The following ZNF696 variants were observed in gnomAD, a reference collection of about 807,000 sequenced individuals.
ZNF696 encodes zinc finger protein 696.
In ZNF696, 10 loss-of-function variants were observed where a neutral mutation model predicts 12.3. The observed-to-expected ratio is 0.81, with a 90% CI of 0.50 to 1.38. ZNF696 has a LOEUF of 1.38. Among genes scored for constraint, ZNF696 ranks in the 40% most tolerant of loss-of-function variants. ZNF696 has a pLI of 0.00. For missense variants in ZNF696, 675 were observed against 554.7 expected, an observed-to-expected ratio of 1.22 and a Z score of -2.18; for synonymous variants, 304 against 243.9, an observed-to-expected ratio of 1.25 and a Z score of -2.29.
chr8:143,296,442 G>C lies in ZNF696; in HGVS notation c.767G>C (p.Arg256Pro). ...CACAGCTCGAACGTGGTCCGGCACC[G>C]GCGGACCCACCACGGGGAGAACCCG... ...FLHSSNVVRH[R>P]RTHHGENPYE... Residue 256 changes from arginine (R) to proline (P), a missense_variant, in exon 3 of 3, where the codon CGG becomes CCG. By Grantham distance (103) the Arg-to-Pro change is moderately radical. Coordinates refer to ENST00000330143, the MANE Select transcript of ZNF696 (RefSeq NM_030895.3). 6.2e-7 allele frequency: 1 copy of C among 1,603,596 alleles called. No homozygotes were observed. The highest frequency in any genetic ancestry group is 8.5e-7 in the Non-Finnish European group (1 of 1,177,706).
chr8:143,291,449 G>A lies in ZNF696; in HGVS notation c.-349G>A. The A allele has an allele frequency of 1.0e-6, 1 of 985,550 alleles. No homozygotes were observed. The highest frequency in any genetic ancestry group is 1.2e-6 in the Non-Finnish European group (1 of 829,984). The allele number at this position is 985,550 out of a possible 1,614,324, so 61.1% of individuals were successfully genotyped here. On this transcript the variant is annotated 5_prime_UTR_variant, in exon 1 of 3. Coordinates refer to ENST00000330143, the MANE Select transcript of ZNF696 (RefSeq NM_030895.3). ...GTGCAGTCCAGCTGCTCTGGACGCT[G>A]AGGCCCCGGCTTCTCTTGCTGGGGT...
intron 1 of ZNF696, among the ~76,000 whole-genome samples, 181 bp from the exon 2 acceptor site, chr8:143,292,791 T>A (rs1032005795): frequency 6.6e-6 from 1 of 152,118 alleles, no homozygotes; most frequent in Non-Finnish European, 1.5e-5. Context: ...CACCCGCTTC[T>A]GGGAGTGTCT....
chr8:143,292,679 T>C (rs899212992), intron 1 of ZNF696, among the ~76,000 whole-genome samples: 1 of 152,250 alleles, frequency 6.6e-6, no homozygotes, highest in African/African-American at 2.4e-5. Flanking sequence ...AGCATGGAGC[T>C]AGGAAGCTGT....
In ZNF696 at chr8:143,296,873, G is replaced by T. The variant is rs1815729897; in HGVS notation, c.*73G>T. 1 of 1,287,532 alleles carries T rather than the reference G, an allele frequency of 7.8e-7. No individual in the cohort carries two copies. Among genetic ancestry groups the T allele is most frequent in the African/African-American group, 1.6e-5 (1 of 63,406 alleles). 79.8% of individuals were successfully genotyped at this position (1,287,532 alleles called of 1,614,324 possible). A position where few individuals can be genotyped will look rare whatever the true frequency, so the allele number is the denominator to read the frequency against. On this transcript the variant is annotated 3_prime_UTR_variant, in exon 3 of 3. Coordinates refer to ENST00000330143, the MANE Select transcript of ZNF696 (RefSeq NM_030895.3). ...CCGAGGCCGGGGGAGGCTCCTGTCC[G>T]CCCCGTGCGCGGTGAGGAAGTAACA... is the stretch of plus-strand genomic sequence containing the variant.
In ZNF696 at chr8:143,296,628, A is replaced by G; in HGVS notation, c.953A>G (p.Glu318Gly). The G allele has an allele frequency of 6.3e-7, 1 of 1,585,922 alleles. No homozygotes were observed. ...LREHRRIHTGEKPHQCGHCGR... is the reference protein window; with the variant it reads ...LREHRRIHTGGKPHQCGHCGR... Reference sequence around the variant, plus strand: ...GAGCACCGCCGCATCCACACCGGGGAGAAGCCCCACCAGTGCGGCCACTGC... The same window carrying G: ...GAGCACCGCCGCATCCACACCGGGGGGAAGCCCCACCAGTGCGGCCACTGC... Residue 318 changes from glutamate (E) to glycine (G), a missense_variant, in exon 3 of 3, where the codon GAG becomes GGG. Transcript: ENST00000330143.
In ZNF696 at chr8:143,295,921, GC is replaced by G. The variant is rs758430403; in HGVS notation, c.249del (p.Gly84GlufsTer277). 2.6e-6 allele frequency: 4 copies of G among 1,562,090 alleles called. No homozygotes were observed. The highest frequency in any genetic ancestry group is 4.8e-5 in the East Asian group (2 of 41,952). On this transcript the variant is annotated frameshift_variant, in exon 3 of 3. Transcript: ENST00000330143. LOFTEE classifies it low-confidence loss of function (END_TRUNC). ...LCENQEARER[P>X]GGSPRGPVTS... ...GTGAAAACCAGGAAGCCAGAGAGAG[GC>G]CCGGAGGTTCCCCTCGAGGCCCGGT...
In ZNF696 at chr8:143,297,160, A is replaced by C; in HGVS notation, c.*360A>C. 2 of 164,708 alleles carry C rather than the reference A, an allele frequency of 1.2e-5. No homozygotes were observed. The highest frequency in any genetic ancestry group is 2.4e-5 in the African/African-American group (1 of 41,120). 10.2% of individuals were successfully genotyped at this position (164,708 alleles called of 1,614,324 possible). Reference sequence around the variant, plus strand: ...TCCTCCGCAACCAGGCCTCCATCAAAACCCTGCATGAGATGAGGGCCTCGG... The same window carrying C: ...TCCTCCGCAACCAGGCCTCCATCAACACCCTGCATGAGATGAGGGCCTCGG... On this transcript the variant is annotated 3_prime_UTR_variant, in exon 3 of 3. Coordinates refer to ENST00000330143, the MANE Select transcript of ZNF696 (RefSeq NM_030895.3).
chr8:143,298,578 G>C lies in ZNF696; in HGVS notation c.*1778G>C, dbSNP rs1032770564. Among the ~76,000 whole-genome samples, 2 of 152,010 alleles carry C rather than the reference G, an allele frequency of 1.3e-5. No individual in the cohort carries two copies. The highest frequency in any genetic ancestry group is 2.9e-5 in the Non-Finnish European group (2 of 67,934). On this transcript the variant is annotated 3_prime_UTR_variant, in exon 3 of 3. Transcript: ENST00000330143. ...CACACAAGGAGAGTCAGCTGACTGA[G>C]GGCCAACAGAAACAGCAGGCAGCCG...
At chr8:143,295,144 C>G (rs1329923578) in intron 2 of ZNF696, among the ~76,000 whole-genome samples, 4 of 152,120 alleles carry the variant, frequency 2.6e-5, no homozygotes, top group African/African-American at 9.7e-5. Context: ...TTGGGTGCCA[C>G]TGTCCCCGGG....
intron 2 of ZNF696, among the ~76,000 whole-genome samples, chr8:143,294,098 C>G (rs548713848): frequency 7.9e-4 from 120 of 152,380 alleles, no homozygotes; most frequent in African/African-American, 2.6e-3. Context: ...CCTCCTCCTG[C>G]TGCCCCTCCT....
intron 1 of ZNF696, 101 bp downstream of exon 1, chr8:143,291,868 T>G: frequency 1.2e-6 from 1 of 848,540 alleles, no homozygotes; most frequent in Non-Finnish European, 1.4e-6. Flanking sequence ...CAGGCTGGCC[T>G]CCTACTCCTG....
In ZNF696 at chr8:143,299,772, G is replaced by T. The variant is rs1337705544; in HGVS notation, c.*2972G>T. Among the ~76,000 whole-genome samples the T allele has an allele frequency of 1.3e-5, 2 of 152,052 alleles. No homozygotes were observed. Among genetic ancestry groups the T allele is most frequent in the Admixed American group, 1.3e-4 (2 of 15,262 alleles). ...GCTTAAGCCCAGGAGTTCGAAACCA[G>T]CCTGGGCAACATAGGGAGAACCTGT... On this transcript the variant is annotated 3_prime_UTR_variant, in exon 3 of 3. Transcript: ENST00000330143.
chr8:143,296,053 G>C lies in ZNF696; in HGVS notation c.378G>C (p.Pro126=), dbSNP rs201628392. 5 of 1,592,102 alleles carry C rather than the reference G, an allele frequency of 3.1e-6. No homozygotes were observed. In the South Asian group the frequency reaches 5.6e-5, roughly 18 times the overall value. The change falls in exon 3 of 3, where the codon CCG becomes CCC. Residue 126 remains proline (P), a synonymous_variant. Transcript: ENST00000330143. ...GGGSWKGRPF[P]CGACGRSFKC... Reference sequence around the variant, plus strand: ...GCAGCTGGAAGGGGCGGCCTTTCCCGTGCGGCGCCTGTGGCCGCAGCTTCA... The same window carrying C: ...GCAGCTGGAAGGGGCGGCCTTTCCCCTGCGGCGCCTGTGGCCGCAGCTTCA...
rs1815623303 is a variant in ZNF696 at position 143,291,490 on chromosome 8, C to T, written c.-308C>T. The stretch of plus-strand genomic sequence containing the variant: ...TTGCTGGGGTGTCGATTCGGGAGGG[C>T]TGAGGGCGCGGCCGAGAGAACGGGG... On this transcript the variant is annotated 5_prime_UTR_variant, in exon 1 of 3. Coordinates refer to ENST00000330143, the MANE Select transcript of ZNF696 (RefSeq NM_030895.3). 1.0e-6 allele frequency: 1 copy of T among 985,524 alleles called. No individual in the cohort carries two copies. The highest frequency in any genetic ancestry group is 4.7e-5 in the South Asian group (1 of 21,294). The allele number at this position is 985,524 out of a possible 1,614,324, so 61.0% of individuals were successfully genotyped here.
In ZNF696 at chr8:143,298,448, C is replaced by T. The variant is rs930853387; in HGVS notation, c.*1648C>T. Among the ~76,000 whole-genome samples the T allele has an allele frequency of 2.0e-5, 3 of 152,118 alleles. No homozygotes were observed. The highest frequency in any genetic ancestry group is 6.5e-5 in the Admixed American group (1 of 15,272). ...GTCTCCCATGCTGAGCCAAGATCCT[C>T]AGGTACCAGTAGCGGTCAAAGCACC... On this transcript the variant is annotated 3_prime_UTR_variant, in exon 3 of 3. Transcript: ENST00000330143.
In ZNF696 at chr8:143,296,309, G is replaced by T; in HGVS notation, c.634G>T (p.Ala212Ser). 1.9e-6 allele frequency: 3 copies of T among 1,585,230 alleles called. No homozygotes were observed. Among genetic ancestry groups the T allele is most frequent in the Non-Finnish European group, 2.6e-6 (3 of 1,171,390 alleles). The change falls in exon 3 of 3, where the codon GCC (alanine) becomes TCC (serine). Residue 212 changes from alanine (A) to serine (S), a missense_variant. Transcript: ENST00000330143. ...CACGGGCGAGAAGCCCTACGCGTGCGCCGACTGCGGCAAGGCCTTCGGCCA... is the reference window on the plus strand; with the variant it reads ...CACGGGCGAGAAGCCCTACGCGTGCTCCGACTGCGGCAAGGCCTTCGGCCA... ...VHTGEKPYAC[A>S]DCGKAFGQRS...
In ZNF696 at chr8:143,298,752, A is replaced by G. The variant is rs1416651253; in HGVS notation, c.*1952A>G. ...CACGCATGAATAGGCAGGACTCCTT[A>G]AAGAACTTTTGGAAATGAAAAACAG... On this transcript the variant is annotated 3_prime_UTR_variant, in exon 3 of 3. Transcript: ENST00000330143. Among the ~76,000 whole-genome samples, 1 of 152,202 alleles carries G rather than the reference A, an allele frequency of 6.6e-6. No homozygotes were observed. Among genetic ancestry groups the G allele is most frequent in the Non-Finnish European group, 1.5e-5 (1 of 68,030 alleles).
At position 143,296,630 on chromosome 8, in the gene ZNF696, A is replaced by G. The variant is rs776025957; in HGVS notation, c.955A>G (p.Lys319Glu). ...GCACCGCCGCATCCACACCGGGGAGAAGCCCCACCAGTGCGGCCACTGCGG... is the reference window on the plus strand; with the variant it reads ...GCACCGCCGCATCCACACCGGGGAGGAGCCCCACCAGTGCGGCCACTGCGG... ...REHRRIHTGE[K>E]PHQCGHCGRA... Residue 319 changes from lysine (K) to glutamate (E), a missense_variant, in exon 3 of 3, where the codon AAG becomes GAG. Physicochemically the swap from Lys to Glu is moderately conservative, Grantham distance 56. Coordinates refer to ENST00000330143, the MANE Select transcript of ZNF696 (RefSeq NM_030895.3). 1.9e-6 allele frequency: 3 copies of G among 1,584,854 alleles called. No homozygotes were observed. The highest frequency in any genetic ancestry group is 2.6e-6 in the Non-Finnish European group (3 of 1,172,188).
rs560116270 is a variant in ZNF696, at chr8:143,292,506, GA to G, written c.-30-461del. On this transcript the variant is annotated intron_variant, in intron 1 of 2. Coordinates refer to ENST00000330143, the MANE Select transcript of ZNF696 (RefSeq NM_030895.3). Reference sequence around the variant, plus strand: ...TGTCAGACATCTGATGTCAGGCTTAGAAAAATCATTCCTCATTCCAAAACTT... The same window carrying G: ...TGTCAGACATCTGATGTCAGGCTTAGAAAATCATTCCTCATTCCAAAACTT... 2.1e-4 allele frequency among the ~76,000 whole-genome samples: 32 copies of G among 151,238 alleles called. No homozygotes were observed. The East Asian group carries it at 6.3e-3, about 30-fold the overall frequency.
Sources: gnomAD v4.1 joint callset for allele counts (sites outside exome capture counted in the v4.1 genomes callset) on GRCh38, gnomAD v4.1.1 for gene constraint, MANE v1.5 for transcripts, NCBI Gene and HGNC (gene_info 2026-07-23, HGNC 2026-07-21) for gene names.